CTDSP1: variants seen among roughly 807,000 people sequenced by gnomAD.
The protein encoded by CTDSP1 is CTD small phosphatase 1, also known as carboxy-terminal domain RNA polymerase II polypeptide A small phosphatase 1.
CTDSP1 carries 15 observed loss-of-function variants against 32.5 expected under a neutral mutation model. The observed-to-expected ratio is 0.46, with a 90% CI of 0.31 to 0.71. CTDSP1 has a LOEUF of 0.71. Among genes scored for constraint, CTDSP1 ranks in the 30% least tolerant of loss-of-function variants. The pLI is 0.05. For synonymous variants in CTDSP1, 185 were observed against 145.4 expected (o/e 1.27, Z -1.96); for missense variants, 294 against 351.1 (o/e 0.84, Z 1.30).
chr2:218,396,778 C>T (rs1696810213), upstream of CTDSP1: 1 of 152,562 alleles, frequency 6.6e-6, no homozygotes, highest in Non-Finnish European at 1.5e-5. Context: ...TGGAAGTGCC[C>T]CCGTTGTACC....
intron 2 of CTDSP1, 67 bp downstream of exon 2, chr2:218,401,779 G>C (rs1047813043): frequency 2.5e-5 from 36 of 1,414,820 alleles, no homozygotes; most frequent in Non-Finnish European, 3.8e-6. Context: ...AGGGGAAGGG[G>C]CTCCTGACTG....
At position 218,402,459 on chromosome 2, in the gene CTDSP1, G is replaced by C; in HGVS notation, c.378+54G>C. 5.8e-6 allele frequency: 9 copies of C among 1,557,108 alleles called. No individual in the cohort carries two copies. The South Asian group carries it at 1.0e-4, about 18-fold the overall frequency. On this transcript the variant is annotated intron_variant, in intron 4 of 6. Coordinates refer to ENST00000273062, the MANE Select transcript of CTDSP1 (RefSeq NM_021198.3). ...CTTGGCATCTGCCTCCAGACCCTAG[G>C]CTCTTCCCACCAATCCGGAGCGCCT...
chr2:218,404,059 C>CA (rs762447631), intron 6 of CTDSP1, among the ~76,000 whole-genome samples: 4,287 of 134,462 alleles, frequency 0.032, 66 homozygotes, highest in Non-Finnish European at 0.043. Flanking sequence ...GACCCTGCCT[C>CA]AAAAAAAAAA....
At position 218,401,055 on chromosome 2, in the gene CTDSP1, T is replaced by C. The variant is rs545043334; in HGVS notation, c.68-509T>C. 845 of 411,190 alleles carry C rather than the reference T, an allele frequency of 2.1e-3. 2 individuals are homozygous for C. Among genetic ancestry groups the C allele is most frequent in the African/African-American group, 9.4e-3 (466 of 49,532 alleles). 25.5% of individuals were successfully genotyped at this position (411,190 alleles called of 1,614,324 possible). On this transcript the variant is annotated intron_variant, in intron 1 of 6. Transcript: ENST00000273062. ...GTCTGGGCGGGGCAGGGCAAACAGA[T>C]GGCCACTGGACACTGGCCCCAGGCC...
At chr2:218,398,715 G>A (rs887080009), upstream of CTDSP1, 10 of 320,326 alleles carry the variant, frequency 3.1e-5, no homozygotes, top group Non-Finnish European at 5.1e-5. Flanking sequence ...GGGAGAGGGG[G>A]AGGGGAGGAA....
In CTDSP1 at chr2:218,403,428, G is replaced by T. The variant is rs200847693; in HGVS notation, c.657+11G>T. On this transcript the variant is annotated intron_variant, in intron 6 of 6. Coordinates refer to ENST00000273062, the MANE Select transcript of CTDSP1 (RefSeq NM_021198.3). The stretch of plus-strand genomic sequence containing the variant: ...CATCCAGACAATGCTGTGAGTGCGG[G>T]CTGGACTGGGACTGGGACAGGAGCT... 5,029 of 1,575,970 alleles carry T rather than the reference G, an allele frequency of 3.2e-3. 8 individuals carry two copies. The highest frequency in any genetic ancestry group is 4.1e-3 in the Non-Finnish European group (4,716 of 1,160,250).
chr2:218,401,476 C>T (rs748429809), intron 1 of CTDSP1, 88 bp from the exon 2 acceptor site: 191 of 1,473,566 alleles, frequency 1.3e-4, no homozygotes, highest in Admixed American at 2.6e-4. Context: ...CAAGATCCTC[C>T]TGGCTCAGGG....
chr2:218,397,360 C>G (rs1171750760), upstream of CTDSP1, among the ~76,000 whole-genome samples: 1 of 152,136 alleles, frequency 6.6e-6, no homozygotes, highest in Non-Finnish European at 1.5e-5. Context: ...AAGAGGGGTG[C>G]AGAGTTGCTC....
chr2:218,401,399 G>A (rs1437285618), intron 1 of CTDSP1, 165 bp from the exon 2 acceptor site: 3 of 708,414 alleles, frequency 4.2e-6, no homozygotes, highest in Non-Finnish European at 4.7e-6. Context: ...TGATTGTGGA[G>A]CCCTGACAGG....
intron 1 of CTDSP1, chr2:218,400,476 T>G: frequency 2.3e-6 from 1 of 436,312 alleles, no homozygotes. Context: ...TTGGCGCCAA[T>G]GGGGCTGGGA....
upstream of CTDSP1, chr2:218,399,305 G>T (rs1696975463): frequency 6.6e-6 from 1 of 152,308 alleles, no homozygotes; most frequent in South Asian, 2.1e-4. Context: ...TACAGACCGG[G>T]GGCACCTCGC....
rs1326694409 is a variant in CTDSP1 at position 218,399,930 on chromosome 2, C to T, written c.-161C>T. The T allele has an allele frequency of 1.9e-6, 2 of 1,034,918 alleles. No homozygotes were observed. Among genetic ancestry groups the T allele is most frequent in the Non-Finnish European group, 2.3e-6 (2 of 853,362 alleles). The allele number at this position is 1,034,918 out of a possible 1,614,324, so 64.1% of individuals were successfully genotyped here. A position where few individuals can be genotyped will look rare whatever the true frequency, so the allele number is the denominator to read the frequency against. ...AAAGTTTCCTCCGCGCCCCCTCCCT[C>T]CCCCTCCCCCCTAGAACCTGGCTCC... On this transcript the variant is annotated 5_prime_UTR_variant, in exon 1 of 7. Transcript: ENST00000273062.
At chr2:218,398,054 G>A (rs950885544), upstream of CTDSP1, among the ~76,000 whole-genome samples, 6 of 152,182 alleles carry the variant, frequency 3.9e-5, no homozygotes, top group Non-Finnish European at 5.9e-5. Flanking sequence ...CTTCACAGAG[G>A]GAGAGGAAAG....
chr2:218,404,184 G>C (rs533612700), intron 6 of CTDSP1, 113 bp from the exon 7 acceptor site: 1 of 1,328,002 alleles, frequency 7.5e-7, no homozygotes, highest in Admixed American at 2.1e-5. Context: ...AACACTGTGG[G>C]TGAGGGGTTT....
chr2:218,400,105 C>T lies in CTDSP1; in HGVS notation c.15C>T (p.Ala5=), dbSNP rs780862243. 2 of 1,537,256 alleles carry T rather than the reference C, an allele frequency of 1.3e-6. No homozygotes were observed. The highest frequency in any genetic ancestry group is 8.8e-7 in the Non-Finnish European group (1 of 1,141,894). Residue 5 remains alanine (A), a synonymous_variant, in exon 1 of 7, where the codon GCC becomes GCT. Transcript: ENST00000273062. Reference sequence around the variant, plus strand: ...CGCCCGGCCCCATGGACAGCTCGGCCGTCATTACTCAGATCAGCAAGGAGG... The same window carrying T: ...CGCCCGGCCCCATGGACAGCTCGGCTGTCATTACTCAGATCAGCAAGGAGG... The part of the protein sequence containing the change: MDSS[A]VITQISKEEA...
At chr2:218,397,021 AG>A, upstream of CTDSP1, 2 of 152,736 alleles carry the variant, frequency 1.3e-5, no homozygotes, top group Non-Finnish European at 2.9e-5. Flanking sequence ...GGTCGGCGGT[AG>A]GGGGGAGTGT....
intron 5 of CTDSP1, 30 bp downstream of exon 5, chr2:218,403,157 C>T (rs751309985): frequency 4.3e-6 from 7 of 1,613,348 alleles, no homozygotes; most frequent in Non-Finnish European, 5.9e-6. Context: ...CGGGGCAACC[C>T]TGCCCTCCTA....
rs539181892 is a variant in CTDSP1, at chr2:218,402,147, G to A, written c.253G>A (p.Ala85Thr). 6.2e-6 allele frequency: 10 copies of A among 1,613,610 alleles called. No individual in the cohort carries two copies. The East Asian group carries it at 2.2e-4, about 36-fold the overall frequency. ...PVQYLLPEAK[A>T]QDSDKICVVI... Reference sequence around the variant, plus strand: ...CCAATACCTGCTCCCTGAGGCCAAGGCCCAGGACTCAGACAAGATCTGCGT... The same window carrying A: ...CCAATACCTGCTCCCTGAGGCCAAGACCCAGGACTCAGACAAGATCTGCGT... The change falls in exon 3 of 7, where the codon GCC becomes ACC. Residue 85 changes from alanine (A) to threonine (T), a missense_variant. Coordinates refer to ENST00000273062, the MANE Select transcript of CTDSP1 (RefSeq NM_021198.3).
At chr2:218,403,566 A>C (rs1574800948) in intron 6 of CTDSP1, 149 bp downstream of exon 6, 1 of 645,508 alleles carries the variant, frequency 1.5e-6, no homozygotes, top group Non-Finnish European at 2.6e-6. Context: ...CCTGCCGCCC[A>C]CTCCCCTCAT....
Sources: allele counts gnomAD v4.1 joint callset (sites outside exome capture counted in the v4.1 genomes callset), GRCh38; gene constraint gnomAD v4.1.1; transcripts MANE v1.5; gene names NCBI Gene and HGNC (gene_info 2026-07-23, HGNC 2026-07-21).